Variants in RALGPS1 observed in about 807,000 individuals in gnomAD.
RALGPS1 encodes the protein Ral GEF with PH domain and SH3 binding motif 1.
Under a neutral mutation model 78.8 loss-of-function variants are expected in RALGPS1, and 19 were observed. That is an observed-to-expected ratio of 0.24 (90% CI 0.17 to 0.35). The LOEUF is 0.35. Among genes scored for constraint, RALGPS1 ranks in the 10% least tolerant of loss-of-function variants. The probability of loss-of-function intolerance (pLI) is 1.00; values close to 1 mark genes in which losing one functional copy is unlikely to be tolerated. For synonymous variants in RALGPS1, 228 were observed against 256.3 expected (o/e 0.89, Z 1.06); for missense variants, 454 against 688.3 (o/e 0.66, Z 3.81).
At chr9:126,935,114 C>A (rs528162007) in intron 1 of RALGPS1, among the ~76,000 whole-genome samples, 3 of 152,210 alleles carry the variant, frequency 2.0e-5, no homozygotes, top group Admixed American at 1.3e-4. Flanking sequence ...CCCCAGCTCG[C>A]GGGAGCTCTC....
Position 127,220,074 on chromosome 9 carries a change from T to A in RALGPS1, c.*1305T>A, listed in dbSNP as rs973569353. 1 of 152,664 alleles carries A rather than the reference T, an allele frequency of 6.6e-6. No homozygotes were observed. Among genetic ancestry groups the A allele is most frequent in the Non-Finnish European group, 1.5e-5 (1 of 68,042 alleles). 9.5% of individuals were successfully genotyped at this position (152,664 alleles called of 1,614,324 possible). On this transcript the variant is annotated 3_prime_UTR_variant, in exon 19 of 19. Coordinates refer to ENST00000259351, the MANE Select transcript of RALGPS1 (RefSeq NM_014636.3). ...TAAAGTGACTTTTATTTTGCACAAA[T>A]AATTTTTATTCAGAATAATAAATCA...
intron 7 of RALGPS1, among the ~76,000 whole-genome samples, chr9:127,068,064 C>T (rs770131164): frequency 6.6e-6 from 1 of 152,208 alleles, no homozygotes; most frequent in Non-Finnish European, 1.5e-5. Context: ...CCGCCATTTA[C>T]ATACCAGAGA....
At chr9:127,062,765 A>T (rs1447631407) in intron 7 of RALGPS1, among the ~76,000 whole-genome samples, 1 of 152,342 alleles carries the variant, frequency 6.6e-6, no homozygotes, top group East Asian at 1.9e-4. Context: ...GCACACCACT[A>T]AATTTCAGTT....
chr9:127,135,146 T>C (rs910105139), intron 8 of RALGPS1, among the ~76,000 whole-genome samples: 1 of 152,132 alleles, frequency 6.6e-6, no homozygotes, highest in African/African-American at 2.4e-5. Context: ...CTCTCCCTCT[T>C]TGGGGAGGGA....
chr9:126,989,744 A>G, intron 4 of RALGPS1: 8 of 1,203,976 alleles, frequency 6.6e-6, no homozygotes, highest in South Asian at 1.6e-5. Context: ...ATGTTTTGGG[A>G]CAAAGGAGGC....
At chr9:127,131,432 A>C (rs2056996981) in intron 8 of RALGPS1, among the ~76,000 whole-genome samples, 1 of 152,010 alleles carries the variant, frequency 6.6e-6, no homozygotes, top group African/African-American at 2.4e-5. Context: ...TCTGTTACAC[A>C]CTCACCACAT....
intron 1 of RALGPS1, among the ~76,000 whole-genome samples, chr9:126,916,420 A>G (rs1332474931): frequency 6.6e-6 from 1 of 152,194 alleles, no homozygotes; most frequent in African/African-American, 2.4e-5. Context: ...GAGCTGGAAC[A>G]TAAAGCTCAG....
intron 1 of RALGPS1, among the ~76,000 whole-genome samples, chr9:126,935,258 T>A (rs2036152668): frequency 6.6e-6 from 1 of 152,238 alleles, no homozygotes; most frequent in Non-Finnish European, 1.5e-5. Flanking sequence ...GATCTGTGTC[T>A]TGTTCAATGC....
At chr9:127,118,355 C>A (rs1387963541) in intron 8 of RALGPS1, among the ~76,000 whole-genome samples, 2 of 152,210 alleles carry the variant, frequency 1.3e-5, no homozygotes, top group African/African-American at 2.4e-5. Flanking sequence ...CTGACGTGAC[C>A]AGTGTATCAC....
chr9:127,118,404 AT>A (rs1193404444), intron 8 of RALGPS1, among the ~76,000 whole-genome samples: 1 of 152,130 alleles, frequency 6.6e-6, no homozygotes, highest in Non-Finnish European at 1.5e-5. Context: ...TAACTCTTCT[AT>A]TTGGGGTGTT....
chr9:126,973,631 T>C (rs1308491368), intron 3 of RALGPS1, among the ~76,000 whole-genome samples: 2 of 152,212 alleles, frequency 1.3e-5, no homozygotes, highest in South Asian at 2.1e-4. Flanking sequence ...ATTTACTATC[T>C]TAACATTTTT....
chr9:127,031,889 G>A (rs1458463035), intron 4 of RALGPS1, among the ~76,000 whole-genome samples: 2 of 152,214 alleles, frequency 1.3e-5, no homozygotes, highest in Non-Finnish European at 2.9e-5. Context: ...CCAAGTAAAT[G>A]TAGGGAAGAT....
In RALGPS1 at chr9:127,122,346, C is replaced by G. The variant is rs2056201707; in HGVS notation, c.611-43723C>G. The G allele has an allele frequency of 6.6e-6, 1 of 152,618 alleles. No individual in the cohort carries two copies. Among genetic ancestry groups the G allele is most frequent in the African/African-American group, 2.4e-5 (1 of 41,454 alleles). 9.5% of individuals were successfully genotyped at this position (152,618 alleles called of 1,614,324 possible). On this transcript the variant is annotated intron_variant, in intron 8 of 18. Coordinates refer to ENST00000259351, the MANE Select transcript of RALGPS1 (RefSeq NM_014636.3). The surrounding 1 kb of genome is among the most constrained non-coding windows in gnomAD (Gnocchi z 6.4). ...CCTCCTGCTTGGCTCCGGGGCGGCT[C>G]CTCACATGCTTCACCCTGGCCGTCA...
At chr9:126,923,280 G>C (rs1178822709) in intron 1 of RALGPS1, among the ~76,000 whole-genome samples, 1 of 152,152 alleles carries the variant, frequency 6.6e-6, no homozygotes, top group African/African-American at 2.4e-5. Flanking sequence ...GTGCATAGAA[G>C]ACAATGGAAG....
At chr9:127,104,128 T>C (rs1041070962) in intron 8 of RALGPS1, among the ~76,000 whole-genome samples, 16 of 152,182 alleles carry the variant, frequency 1.1e-4, no homozygotes, top group African/African-American at 3.9e-4. Flanking sequence ...TATGGCCCCT[T>C]CTTCTTCACT....
At position 127,211,287 on chromosome 9, in the gene RALGPS1, G is replaced by A. The variant is rs1237153942; in HGVS notation, c.1248-844G>A. 2.6e-5 allele frequency among the ~76,000 whole-genome samples: 4 copies of A among 152,204 alleles called. No individual in the cohort carries two copies. The highest frequency in any genetic ancestry group is 2.6e-4 in the Admixed American group (4 of 15,288). ...GTGGGCAGGTGGAGGAGAGGAGAGG[G>A]GGAGGGTGGAGGCACTGGCCGGTGT... On this transcript the variant is annotated intron_variant, in intron 14 of 18. Transcript: ENST00000259351. This position sits in a 1 kb window ranked among gnomAD's most constrained non-coding sequence, Gnocchi z 5.0.
intron 11 of RALGPS1, among the ~76,000 whole-genome samples, chr9:127,179,238 G>A (rs1308851105): frequency 6.6e-6 from 1 of 152,176 alleles, no homozygotes; most frequent in Non-Finnish European, 1.5e-5. Flanking sequence ...CTAGAGGGTC[G>A]AGGAGTGCCT....
chr9:127,213,194 A>G (rs890120624), intron 17 of RALGPS1, 145 bp downstream of exon 17: 39 of 1,446,826 alleles, frequency 2.7e-5, no homozygotes, highest in Middle Eastern at 4.1e-4. Flanking sequence ...GGTCCATGCT[A>G]GTCCACAAAA....
Position 127,136,007 on chromosome 9 carries a change from A to G in RALGPS1, c.611-30062A>G, listed in dbSNP as rs572791171. On this transcript the variant is annotated intron_variant, in intron 8 of 18. Transcript: ENST00000259351. ...CCCAAAATTGGAAAGGGGAGGCAAC[A>G]TAGCATAGTCGGGGAGTGGGTGTTG... is the stretch of plus-strand genomic sequence containing the variant. 1.1e-4 allele frequency among the ~76,000 whole-genome samples: 16 copies of G among 152,322 alleles called. 1 individual carries two copies. In the South Asian group the frequency reaches 3.3e-3, roughly 32 times the overall value.
Sources: allele counts gnomAD v4.1 joint callset (sites outside exome capture counted in the v4.1 genomes callset), GRCh38; gene constraint gnomAD v4.1.1; non-coding constraint Gnocchi (gnomAD v3.1); transcripts MANE v1.5; gene names NCBI Gene and HGNC (gene_info 2026-07-23, HGNC 2026-07-21).